PSCA: variants seen among roughly 807,000 people sequenced by gnomAD.
PSCA encodes the protein prostate stem cell antigen.
A neutral mutation model predicts 7.9 loss-of-function variants in PSCA; 7 were observed. The ratio of observed to expected loss-of-function variants is 0.89; its 90% CI spans 0.51 to 1.67. The LOEUF is 1.67. PSCA is among the 40% of genes most tolerant of loss of function. The pLI, the probability that PSCA is intolerant of heterozygous loss-of-function variation, is 0.00. For missense variants in PSCA, 151 were observed against 147.9 expected (o/e 1.02, Z -0.11); for synonymous variants, 61 against 68.3 (o/e 0.89, Z 0.53).
chr8:142,676,345 T>C (rs2920282), upstream of PSCA: 67,966 of 152,204 alleles, frequency 0.45, 15,322 homozygotes, highest in Admixed American at 0.51. Context: ...CGCTTAGTCA[T>C]GGGGCATACC....
At chr8:142,674,385 A>G (rs587713703) in intron 1 of PSCA, among the ~76,000 whole-genome samples, 91 of 148,664 alleles carry the variant, frequency 6.1e-4, no homozygotes, top group African/African-American at 2.2e-3. Context: ...ACCTCAGCAG[A>G]GCTCAGATCC....
intron 1 of PSCA, among the ~76,000 whole-genome samples, chr8:142,671,961 C>A (rs1220388832): frequency 1.3e-5 from 2 of 152,114 alleles, no homozygotes; most frequent in Admixed American, 6.5e-5. Flanking sequence ...TTCAACCAGT[C>A]CCCACTCCCT....
intron 1 of PSCA, among the ~76,000 whole-genome samples, chr8:142,672,408 G>A (rs1339476551): frequency 2.0e-5 from 3 of 152,220 alleles, no homozygotes; most frequent in Non-Finnish European, 4.4e-5. Context: ...TTTTATTGCA[G>A]ATGATTCTGT....
At chr8:142,671,392 C>T (rs1847323947) in intron 1 of PSCA, among the ~76,000 whole-genome samples, 1 of 152,218 alleles carries the variant, frequency 6.6e-6, no homozygotes, top group South Asian at 2.1e-4. Context: ...AGAAGGAATG[C>T]AGCCTGCTGA....
In PSCA at chr8:142,673,893, G is replaced by A. The variant is rs1847364637; in HGVS notation, n.261+3325G>A. Reference sequence around the variant, plus strand: ...GGGAGTTGCAAATCTTGTGGTCCCTGGAATAACGGCTGGGAGTCGTTTCAG... The same window carrying A: ...GGGAGTTGCAAATCTTGTGGTCCCTAGAATAACGGCTGGGAGTCGTTTCAG... On this transcript the variant is annotated intron_variant and non_coding_transcript_variant, in intron 1 of 1. Coordinates refer to the PSCA transcript ENST00000505305. This position sits in a 1 kb window ranked among gnomAD's most constrained non-coding sequence, Gnocchi z 4.6. Among the ~76,000 whole-genome samples the A allele has an allele frequency of 6.6e-6, 1 of 152,212 alleles. No homozygotes were observed. Among genetic ancestry groups the A allele is most frequent in the East Asian group, 1.9e-4 (1 of 5,206 alleles).
intron 1 of PSCA, 110 bp from the exon 2 acceptor site, chr8:142,681,217 G>A (rs965420305): frequency 4.4e-5 from 32 of 720,280 alleles, no homozygotes; most frequent in East Asian, 2.2e-4. Flanking sequence ...ACAAGAGGGC[G>A]CCGAGGACTT....
upstream of PSCA, among the ~76,000 whole-genome samples, chr8:142,678,386 A>G (rs1322005182): frequency 6.6e-6 from 1 of 152,176 alleles, no homozygotes; most frequent in African/African-American, 2.4e-5. Context: ...CAGGAACAAC[A>G]GCATACCCAA....
intron 1 of PSCA, among the ~76,000 whole-genome samples, chr8:142,671,451 C>G (rs1354771269): frequency 6.6e-6 from 1 of 152,186 alleles, no homozygotes; most frequent in Non-Finnish European, 1.5e-5. Context: ...GACTTCTGAA[C>G]CCAGAGCTGT....
At chr8:142,681,847 A>G in intron 2 of PSCA, 74 bp from the exon 3 acceptor site, 1 of 1,075,056 alleles carries the variant, frequency 9.3e-7, no homozygotes, top group South Asian at 1.5e-5. Context: ...AGGGTGGGAC[A>G]GGAGGAGGCC....
chr8:142,677,943 G>A (rs374084945), upstream of PSCA, among the ~76,000 whole-genome samples: 5 of 152,114 alleles, frequency 3.3e-5, no homozygotes, highest in Non-Finnish European at 7.4e-5. Flanking sequence ...CTGGAGCCCC[G>A]GGGGAAGCCC....
chr8:142,681,238 C>A, intron 1 of PSCA, 89 bp from the exon 2 acceptor site: 1 of 997,714 alleles, frequency 1.0e-6, no homozygotes. Context: ...CCTCAGGCCA[C>A]CGCCATGGAG....
Position 142,682,436 on chromosome 8 carries a change from C to A in PSCA, c.*304C>A, listed in dbSNP as rs782436367. On this transcript the variant is annotated 3_prime_UTR_variant, in exon 3 of 3. Coordinates refer to ENST00000301258, the MANE Select transcript of PSCA (RefSeq NM_005672.5). ...CCCTTAACCCTGTGCTCAGGCACCT[C>A]TTCCCCCAGGAAGCCTTCCCTGCCC... is the stretch of plus-strand genomic sequence containing the variant. The A allele has an allele frequency of 7.7e-6, 5 of 651,316 alleles. No homozygotes were observed. Among genetic ancestry groups the A allele is most frequent in the Non-Finnish European group, 1.1e-5 (4 of 351,920 alleles). The allele number at this position is 651,316 out of a possible 1,614,324, so 40.3% of individuals were successfully genotyped here. A position where few individuals can be genotyped will look rare whatever the true frequency, so the allele number is the denominator to read the frequency against.
At chr8:142,676,245 C>T (rs1005465643), upstream of PSCA, 3 of 152,338 alleles carry the variant, frequency 2.0e-5, no homozygotes, top group Non-Finnish European at 4.4e-5. Flanking sequence ...GGGTGAGTCA[C>T]ACTGAAGCCA....
At chr8:142,679,656 G>A (rs374864699), upstream of PSCA, among the ~76,000 whole-genome samples, 1 of 152,168 alleles carries the variant, frequency 6.6e-6, no homozygotes. Flanking sequence ...GGTTATAGGT[G>A]GATTTAAACA....
chr8:142,676,846 CCT>C, upstream of PSCA, among the ~76,000 whole-genome samples: 1 of 152,338 alleles, frequency 6.6e-6, no homozygotes, highest in South Asian at 2.1e-4. Flanking sequence ...CCTCTCAGCC[CCT>C]GTCCACCGGA....
chr8:142,681,514 G>A (rs2976392), intron 2 of PSCA, 80 bp downstream of exon 2: 583,102 of 1,296,764 alleles, frequency 0.45, 134,274 homozygotes, highest in Admixed American at 0.54. Flanking sequence ...GTCCGCATCT[G>A]TGTGCTGTTT....
chr8:142,681,297 C>A, intron 1 of PSCA, 30 bp from the exon 2 acceptor site: 1 of 1,523,106 alleles, frequency 6.6e-7, no homozygotes, highest in Non-Finnish European at 8.9e-7. Context: ...ATGGGGCAGC[C>A]TCTGAGGCCC....
At chr8:142,674,094 C>T (rs587697607) in intron 1 of PSCA, among the ~76,000 whole-genome samples, 224 of 141,782 alleles carry the variant, frequency 1.6e-3, no homozygotes, top group Non-Finnish European at 2.6e-3. Flanking sequence ...TAATGAATAA[C>T]GGCTGGGAAT....
chr8:142,673,953 C>G lies in PSCA; in HGVS notation n.261+3385C>G, dbSNP rs1847365731. ...AGCAGAGCTCAGATCCCCTCATCTT[C>G]CTAATGAATAACGGCTGGGAATCGT... On this transcript the variant is annotated intron_variant and non_coding_transcript_variant, in intron 1 of 1. Transcript: ENST00000505305. This position sits in a 1 kb window ranked among gnomAD's most constrained non-coding sequence, Gnocchi z 4.6. Among the ~76,000 whole-genome samples the G allele has an allele frequency of 6.6e-6, 1 of 151,360 alleles. No homozygotes were observed. Among genetic ancestry groups the G allele is most frequent in the South Asian group, 2.1e-4 (1 of 4,692 alleles).
Sources: allele counts gnomAD v4.1 joint callset (sites outside exome capture counted in the v4.1 genomes callset), GRCh38; gene constraint gnomAD v4.1.1; non-coding constraint Gnocchi (gnomAD v3.1); transcripts MANE v1.5; gene names NCBI Gene and HGNC (gene_info 2026-07-23, HGNC 2026-07-21).